The following AFF1 variants were observed in gnomAD, a reference collection of about 807,000 sequenced individuals.
The protein encoded by AFF1 is AF4/FMR2 family member 1.
Under a neutral mutation model 121.7 loss-of-function variants are expected in AFF1, and 48 were observed. The ratio of observed to expected loss-of-function variants is 0.39; its 90% CI spans 0.31 to 0.50. The LOEUF is 0.50. Ranked by LOEUF, AFF1 falls within the 20% of genes least tolerant of loss-of-function variation. The probability of loss-of-function intolerance (pLI) is 0.76; values close to 1 mark genes in which losing one functional copy is unlikely to be tolerated. For missense variants in AFF1, 1,523 were observed against 1,511.7 expected (o/e 1.01, Z -0.12); for synonymous variants, 613 against 563.0 (o/e 1.09, Z -1.26).
At chr4:87,027,666 T>C (rs1325052774) in intron 2 of AFF1, among the ~76,000 whole-genome samples, 1 of 152,182 alleles carries the variant, frequency 6.6e-6, no homozygotes, top group African/African-American at 2.4e-5. Context: ...TTCAGAAAAG[T>C]TTAATGAATT....
intron 2 of AFF1, among the ~76,000 whole-genome samples, chr4:86,978,176 A>G (rs1388446919): frequency 4.4e-5 from 1 of 22,656 alleles, no homozygotes; most frequent in Non-Finnish European, 1.2e-4. Flanking sequence ...CATTACATTC[A>G]CTTTTTTTTT....
At chr4:87,009,798 C>A (rs1171565328) in intron 2 of AFF1, among the ~76,000 whole-genome samples, 5 of 152,132 alleles carry the variant, frequency 3.3e-5, no homozygotes, top group African/African-American at 1.2e-4. Context: ...TAAGAGAAAC[C>A]AAAACATCAC....
rs57615388 is a variant in AFF1, at chr4:87,000,605, CTGTGTGTG to C, written c.39-45532_39-45525del. 1.7e-3 allele frequency among the ~76,000 whole-genome samples: 255 copies of C among 146,490 alleles called. 1 individual carries two copies. The highest frequency in any genetic ancestry group is 4.8e-3 in the African/African-American group (192 of 39,894). On this transcript the variant is annotated intron_variant, in intron 2 of 20. Coordinates refer to ENST00000395146, the MANE Select transcript of AFF1 (RefSeq NM_001166693.3). ...TAAAACATTTATTAAAAAATAAACTCTGTGTGTGTGTGTGTGTGTGTGTGTGTGTGTGT... is the reference window on the plus strand; with the variant it reads ...TAAAACATTTATTAAAAAATAAACTCTGTGTGTGTGTGTGTGTGTGTGTGT...
In AFF1 at chr4:86,986,291, T is replaced by G. The variant is rs547848623; in HGVS notation, c.38+37720T>G. On this transcript the variant is annotated intron_variant, in intron 2 of 20. Coordinates refer to ENST00000395146, the MANE Select transcript of AFF1 (RefSeq NM_001166693.3). ...TTCACCATGTTGGCCAGGCTGGTCTTGAACACCTGACCTCAGGTGATCCAC... is the reference window on the plus strand; with the variant it reads ...TTCACCATGTTGGCCAGGCTGGTCTGGAACACCTGACCTCAGGTGATCCAC... Among the ~76,000 whole-genome samples, 42 of 152,098 alleles carry G rather than the reference T, an allele frequency of 2.8e-4. No homozygotes were observed. In the East Asian group the frequency reaches 5.4e-3, roughly 20 times the overall value.
intron 4 of AFF1, among the ~76,000 whole-genome samples, chr4:87,071,777 A>G (rs1405321459): frequency 6.6e-6 from 1 of 152,108 alleles, no homozygotes; most frequent in African/African-American, 2.4e-5. Context: ...TTTCCATATG[A>G]TCTCTTCTCT....
intron 8 of AFF1, among the ~76,000 whole-genome samples, chr4:87,105,098 T>C (rs1725779459): frequency 6.6e-6 from 1 of 152,260 alleles, no homozygotes; most frequent in Admixed American, 6.5e-5. Flanking sequence ...GTGTATTTAA[T>C]TCTAATGTTG....
chr4:87,088,228 TCTC>T (rs1723930683), intron 5 of AFF1, among the ~76,000 whole-genome samples: 1 of 152,188 alleles, frequency 6.6e-6, no homozygotes, highest in Non-Finnish European at 1.5e-5. Context: ...TTAGGAAAGA[TCTC>T]CTGTTGTGTC....
intron 4 of AFF1, among the ~76,000 whole-genome samples, chr4:87,060,939 T>C (rs1720726325): frequency 6.6e-6 from 1 of 151,646 alleles, no homozygotes; most frequent in Non-Finnish European, 1.5e-5. Context: ...TGGGCTTAAT[T>C]TTCTAGTAGA....
chr4:87,089,989 G>A lies in AFF1; in HGVS notation c.1110G>A (p.Met370Ile), dbSNP rs1724133992. ...CTTTCCAAATATCTTTCCAGGAAATGACCCATTCATGGCCGCCTCCTTTGA... is the reference window on the plus strand; with the variant it reads ...CTTTCCAAATATCTTTCCAGGAAATAACCCATTCATGGCCGCCTCCTTTGA... The part of the protein sequence containing the change: ...VHCVEEILKE[M>I]THSWPPPLTA... Residue 370 changes from methionine to isoleucine, a missense_variant, in exon 6 of 21, where the codon ATG (methionine) becomes ATA (isoleucine). Met to Ile is a conservative substitution (Grantham distance 10, BLOSUM62 1). Around this residue, in one of 5 missense-constraint regions of AFF1, gnomAD observed 905 missense variants for 842.5 expected, o/e 1.07. Transcript: ENST00000395146. 6.2e-7 allele frequency: 1 copy of A among 1,613,088 alleles called. No homozygotes were observed. The highest frequency in any genetic ancestry group is 1.3e-5 in the African/African-American group (1 of 74,882).
chr4:86,987,715 G>A (rs548627967), intron 2 of AFF1, among the ~76,000 whole-genome samples: 1 of 152,310 alleles, frequency 6.6e-6, no homozygotes, highest in South Asian at 2.1e-4. Flanking sequence ...GCACTTGGGA[G>A]GCCGAGGCGG....
chr4:86,956,777 A>G (rs1298888125), intron 2 of AFF1, among the ~76,000 whole-genome samples: 4 of 152,260 alleles, frequency 2.6e-5, no homozygotes, highest in African/African-American at 9.6e-5. Context: ...GCTAAATAAT[A>G]TTCCATTGCA....
At chr4:87,048,334 A>T (rs1730934111) in intron 4 of AFF1, among the ~76,000 whole-genome samples, 1 of 152,186 alleles carries the variant, frequency 6.6e-6, no homozygotes, top group African/African-American at 2.4e-5. Flanking sequence ...AAGAAAAAAA[A>T]TATTTCTTTT....
chr4:87,075,838 G>C (rs1302297990), intron 4 of AFF1, among the ~76,000 whole-genome samples: 1 of 152,140 alleles, frequency 6.6e-6, no homozygotes, highest in Admixed American at 6.5e-5. Flanking sequence ...CCAGGAAAGA[G>C]ATTGGAAATT....
At chr4:87,044,405 A>G (rs1362133198) in intron 2 of AFF1, among the ~76,000 whole-genome samples, 1 of 152,238 alleles carries the variant, frequency 6.6e-6, no homozygotes, top group East Asian at 1.9e-4. Context: ...TAAATTTGCG[A>G]GGTTCGTTTC....
intron 2 of AFF1, among the ~76,000 whole-genome samples, chr4:86,967,827 G>T (rs920926480): frequency 1.3e-5 from 2 of 152,208 alleles, no homozygotes; most frequent in African/African-American, 4.8e-5. Flanking sequence ...ATCCTGGCAA[G>T]TGGAGATGTT....
chr4:86,985,845 GAA>G (rs1560518903), intron 2 of AFF1, among the ~76,000 whole-genome samples: 1 of 150,838 alleles, frequency 6.6e-6, no homozygotes, highest in East Asian at 1.9e-4. Context: ...AAATGATAGA[GAA>G]AAAGTTATTT....
Position 87,047,231 on chromosome 4 carries a change from A to C in AFF1, c.696A>C (p.Gln232His), listed in dbSNP as rs1730795545. ...HSNQQTLPRT[Q>H]GSSKVHGSSN... ...ACCAGCAAACTCTTCCCCGGACGCA[A>C]GGAAGCAGCAAGGTTCATGGCAGCA... The change falls in exon 4 of 21, where the codon CAA (glutamine) becomes CAC (histidine). Residue 232 changes from glutamine to histidine, a missense_variant. Gln to His is a conservative substitution (Grantham distance 24). Transcript: ENST00000395146. 3.7e-6 allele frequency: 6 copies of C among 1,614,144 alleles called. No individual in the cohort carries two copies. Among genetic ancestry groups the C allele is most frequent in the East Asian group, 2.2e-5 (1 of 44,874 alleles).
At chr4:87,071,564 T>G (rs533569778) in intron 4 of AFF1, among the ~76,000 whole-genome samples, 9 of 152,236 alleles carry the variant, frequency 5.9e-5, no homozygotes, top group African/African-American at 2.2e-4. Flanking sequence ...TCACCATGAT[T>G]ATGATGCCAG....
At chr4:87,092,493 A>T (rs1724416401) in intron 7 of AFF1, among the ~76,000 whole-genome samples, 1 of 152,224 alleles carries the variant, frequency 6.6e-6, no homozygotes, top group African/African-American at 2.4e-5. Context: ...GGAATATGAC[A>T]TACAGTTTGT....
Sources: gnomAD v4.1 joint callset for allele counts (sites outside exome capture counted in the v4.1 genomes callset) on GRCh38, gnomAD v4.1.1 for gene constraint, gnomAD v4.1.1 regional missense constraint, MANE v1.5 for transcripts, NCBI Gene and HGNC (gene_info 2026-07-23, HGNC 2026-07-21) for gene names.